ROR1: variants seen among roughly 807,000 people sequenced by gnomAD.
The protein encoded by ROR1 is ROR family WNT receptor 1, also known as inactive tyrosine-protein kinase transmembrane receptor ROR1.
ROR1 carries 19 observed loss-of-function variants against 78.8 expected under a neutral mutation model. The ratio of observed to expected loss-of-function variants is 0.24; its 90% CI spans 0.17 to 0.35. The LOEUF is 0.35. Ranked by LOEUF, ROR1 falls within the 10% of genes least tolerant of loss-of-function variation. ROR1 has a pLI of 1.00. For synonymous variants in ROR1, 386 were observed against 433.6 expected, an observed-to-expected ratio of 0.89 and a Z score of 1.36; for missense variants, 917 against 1,177.8, an observed-to-expected ratio of 0.78 and a Z score of 3.24.
At chr1:64,080,984 A>G (rs905239246) in intron 4 of ROR1, among the ~76,000 whole-genome samples, 2 of 152,232 alleles carry the variant, frequency 1.3e-5, no homozygotes, top group African/African-American at 2.4e-5. Flanking sequence ...ACATGCTAAC[A>G]TGTACCTACA....
chr1:63,879,945 T>C (rs1202386271), intron 1 of ROR1, among the ~76,000 whole-genome samples: 1 of 152,118 alleles, frequency 6.6e-6, no homozygotes, highest in African/African-American at 2.4e-5. Context: ...AAAGTAAGGA[T>C]TAAGGGAGTG....
intron 1 of ROR1, among the ~76,000 whole-genome samples, chr1:63,947,686 G>A (rs1382248004): frequency 6.6e-6 from 1 of 152,090 alleles, no homozygotes; most frequent in Non-Finnish European, 1.5e-5. Context: ...CTTCCTGGGG[G>A]CTAAAGCAAG....
chr1:64,055,870 T>C (rs1215847699), intron 4 of ROR1, among the ~76,000 whole-genome samples: 1 of 152,210 alleles, frequency 6.6e-6, no homozygotes, highest in Non-Finnish European at 1.5e-5. Context: ...TAGCTTCTAA[T>C]TTACTTCCTA....
At chr1:64,088,945 T>C (rs957256771) in intron 4 of ROR1, among the ~76,000 whole-genome samples, 1 of 152,174 alleles carries the variant, frequency 6.6e-6, no homozygotes, top group Admixed American at 6.5e-5. Flanking sequence ...AGCAGGGCTT[T>C]AAAATGACAA....
chr1:64,121,829 T>C (rs761993063), intron 4 of ROR1, among the ~76,000 whole-genome samples: 2 of 152,204 alleles, frequency 1.3e-5, no homozygotes, highest in African/African-American at 2.4e-5. Context: ...GATCTACCTC[T>C]GCCTCTTTTC....
At chr1:63,789,649 GA>G (rs568452125) in intron 1 of ROR1, among the ~76,000 whole-genome samples, 2 of 144,318 alleles carry the variant, frequency 1.4e-5, no homozygotes, top group Admixed American at 1.4e-4. Context: ...TCAGGAGGAG[GA>G]AAAAAACACC....
chr1:63,871,832 T>C (rs984495789), intron 1 of ROR1, among the ~76,000 whole-genome samples: 1 of 152,146 alleles, frequency 6.6e-6, no homozygotes, highest in African/African-American at 2.4e-5. Context: ...ATCCAGAAAA[T>C]GATTAGGGAG....
At chr1:63,929,943 T>C (rs1307587902) in intron 1 of ROR1, among the ~76,000 whole-genome samples, 2 of 152,108 alleles carry the variant, frequency 1.3e-5, no homozygotes, top group African/African-American at 4.8e-5. Flanking sequence ...TCACTGTGAG[T>C]CTGTAGACAG....
intron 1 of ROR1, among the ~76,000 whole-genome samples, chr1:63,922,819 T>A (rs190095238): frequency 3.3e-5 from 5 of 152,292 alleles, no homozygotes; most frequent in Non-Finnish European, 5.9e-5. Context: ...GCCTAACTAT[T>A]CCAAGTGTTT....
intron 1 of ROR1, among the ~76,000 whole-genome samples, chr1:64,008,308 G>T (rs115966140): frequency 3.5e-4 from 54 of 152,214 alleles, no homozygotes; most frequent in Admixed American, 7.2e-4. Context: ...TTATTTTTAT[G>T]GCTACATAGT....
At chr1:64,145,587 T>G (rs1649451615) in intron 7 of ROR1, among the ~76,000 whole-genome samples, 1 of 152,236 alleles carries the variant, frequency 6.6e-6, no homozygotes, top group East Asian at 1.9e-4. Flanking sequence ...GAGCCATTGT[T>G]GATCATTTCA....
intron 4 of ROR1, among the ~76,000 whole-genome samples, chr1:64,075,052 G>A (rs1031121299): frequency 1.3e-5 from 2 of 152,104 alleles, no homozygotes; most frequent in Non-Finnish European, 2.9e-5. Context: ...CCTCCCAATA[G>A]CCAGTGCTTT....
intron 1 of ROR1, among the ~76,000 whole-genome samples, chr1:63,847,637 T>G (rs1350591927): frequency 1.3e-5 from 2 of 152,168 alleles, no homozygotes; most frequent in Admixed American, 6.5e-5. Context: ...AAAACCCACT[T>G]CAATTGAAAG....
intron 1 of ROR1, among the ~76,000 whole-genome samples, chr1:63,863,541 G>C (rs1387300338): frequency 6.6e-6 from 1 of 152,120 alleles, no homozygotes; most frequent in Non-Finnish European, 1.5e-5. Flanking sequence ...CCATCTATGG[G>C]TCTGTGATAA....
chr1:63,789,321 G>T, intron 1 of ROR1: 2 of 489,054 alleles, frequency 4.1e-6, no homozygotes, highest in Non-Finnish European at 7.6e-6. Context: ...GACCATAGCA[G>T]TGAAAGGTGA....
At chr1:64,127,771 A>G (rs1648764159) in intron 4 of ROR1, among the ~76,000 whole-genome samples, 1 of 152,192 alleles carries the variant, frequency 6.6e-6, no homozygotes, top group East Asian at 1.9e-4. Flanking sequence ...TGAAGAGGAG[A>G]AAAAGAATAA....
chr1:64,107,176 C>T (rs1025917739), intron 4 of ROR1: 1 of 152,142 alleles, frequency 6.6e-6, no homozygotes, highest in Non-Finnish European at 1.5e-5. Context: ...CGTATTATCT[C>T]ATTTAATTTT....
rs538319901 is a variant in ROR1, at chr1:64,067,669, G to A, written c.482+16953G>A. 2.3e-4 allele frequency among the ~76,000 whole-genome samples: 33 copies of A among 141,012 alleles called. 1 individual carries two copies. The highest frequency in any genetic ancestry group is 8.5e-4 in the African/African-American group (32 of 37,476). The allele number at this position is 141,012 out of a possible 152,430, so 92.5% of individuals were successfully genotyped here. A position where few individuals can be genotyped will look rare whatever the true frequency, so the allele number is the denominator to read the frequency against. On this transcript the variant is annotated intron_variant, in intron 4 of 8. Coordinates refer to ENST00000371079, the MANE Select transcript of ROR1 (RefSeq NM_005012.4). ...AATTGAATTGACTTTGAACCACAATGTATCATTTTTCAAACTATTTCTATC... is the reference window on the plus strand; with the variant it reads ...AATTGAATTGACTTTGAACCACAATATATCATTTTTCAAACTATTTCTATC...
chr1:63,972,750 T>G (rs1307451689), intron 1 of ROR1, among the ~76,000 whole-genome samples: 1 of 152,206 alleles, frequency 6.6e-6, no homozygotes, highest in Non-Finnish European at 1.5e-5. Flanking sequence ...TACTGTCTAA[T>G]GGAAGCGACC....
Sources: gnomAD v4.1 joint callset for allele counts (sites outside exome capture counted in the v4.1 genomes callset) on GRCh38, gnomAD v4.1.1 for gene constraint, MANE v1.5 for transcripts, NCBI Gene and HGNC (gene_info 2026-07-23, HGNC 2026-07-21) for gene names.